Variants in GALNT10 observed in about 807,000 individuals in gnomAD.
GALNT10 encodes the protein GalNAc transferase 10.
In GALNT10, 41 loss-of-function variants were observed where a neutral mutation model predicts 75.0. The ratio of observed to expected loss-of-function variants is 0.55; its 90% CI spans 0.43 to 0.71. The LOEUF (loss-of-function observed/expected upper bound fraction) is 0.71, where lower values mean the gene tolerates loss of function less well. Among genes scored for constraint, GALNT10 ranks in the 30% least tolerant of loss-of-function variants. GALNT10 has a pLI of 0.00. For missense variants in GALNT10, 727 were observed against 818.5 expected, an observed-to-expected ratio of 0.89 and a Z score of 1.36; for synonymous variants, 302 against 313.0, an observed-to-expected ratio of 0.96 and a Z score of 0.37.
chr5:154,370,500 G>A (rs1231629256), intron 4 of GALNT10, among the ~76,000 whole-genome samples: 1 of 152,132 alleles, frequency 6.6e-6, no homozygotes, highest in Admixed American at 6.5e-5. Flanking sequence ...GAGTTAACTG[G>A]GAGGAATTGT....
At chr5:154,369,209 G>A (rs779679110) in intron 4 of GALNT10, among the ~76,000 whole-genome samples, 10 of 152,056 alleles carry the variant, frequency 6.6e-5, no homozygotes, top group South Asian at 2.1e-4. Context: ...CCGACGTGGC[G>A]AAACCCCATC....
chr5:154,264,962 C>T (rs1753756843), intron 1 of GALNT10, among the ~76,000 whole-genome samples: 1 of 152,136 alleles, frequency 6.6e-6, no homozygotes. Context: ...CCAATGGGAA[C>T]ACCAGTCAGA....
chr5:154,385,541 A>T (rs568384794), intron 6 of GALNT10, among the ~76,000 whole-genome samples: 12 of 152,068 alleles, frequency 7.9e-5, no homozygotes, highest in African/African-American at 2.9e-4. Context: ...CTCCTTTCAG[A>T]TTCCTGTAAT....
chr5:154,234,424 T>G (rs1753213226), intron 1 of GALNT10, among the ~76,000 whole-genome samples: 1 of 152,220 alleles, frequency 6.6e-6, no homozygotes. Context: ...AGGGCTGGCA[T>G]GGAGACTACT....
At chr5:154,371,961 C>T (rs1200200989) in intron 4 of GALNT10, among the ~76,000 whole-genome samples, 1 of 152,176 alleles carries the variant, frequency 6.6e-6, no homozygotes, top group Non-Finnish European at 1.5e-5. Context: ...CATTCGCTTC[C>T]AAATCATCCC....
intron 1 of GALNT10, among the ~76,000 whole-genome samples, chr5:154,294,305 G>A (rs1754242195): frequency 6.6e-6 from 1 of 152,140 alleles, no homozygotes; most frequent in South Asian, 2.1e-4. Context: ...CTGTACTCTA[G>A]CCTGGCCAAC....
chr5:154,414,769 A>G (rs910992712), intron 10 of GALNT10, among the ~76,000 whole-genome samples: 2 of 152,226 alleles, frequency 1.3e-5, no homozygotes, highest in African/African-American at 4.8e-5. Flanking sequence ...AAAGCTACTG[A>G]AAAGTAACAA....
At chr5:154,225,913 C>T (rs959759140) in intron 1 of GALNT10, among the ~76,000 whole-genome samples, 1 of 143,424 alleles carries the variant, frequency 7.0e-6, no homozygotes, top group African/African-American at 2.5e-5. Context: ...TGTTTTCACT[C>T]ATAGGTGGGA....
chr5:154,416,957 A>T lies in GALNT10; in HGVS notation c.1797A>T (p.Lys599Asn). 2 of 1,614,164 alleles carry T rather than the reference A, an allele frequency of 1.2e-6. No individual in the cohort carries two copies. Among genetic ancestry groups the T allele is most frequent in the Non-Finnish European group, 1.7e-6 (2 of 1,180,020 alleles). The change falls in exon 12 of 12, where the codon AAA (lysine) becomes AAT (asparagine). Residue 599 changes from lysine (K) to asparagine (N), a missense_variant. Physicochemically the swap from Lys to Asn is moderately conservative, Grantham distance 94 (BLOSUM62 0). Transcript: ENST00000297107. The surrounding 1 kb of genome is among the most constrained non-coding windows in gnomAD (Gnocchi z 4.5). ...ACACCAACTCAACAGTCTTGGAAAAATTCAATAGGAACTGAGCCCTCATGT... is the reference window on the plus strand; with the variant it reads ...ACACCAACTCAACAGTCTTGGAAAATTTCAATAGGAACTGAGCCCTCATGT... ...FEHTNSTVLE[K>N]FNRN
intron 3 of GALNT10, among the ~76,000 whole-genome samples, chr5:154,320,676 A>G (rs1754659812): frequency 6.6e-6 from 1 of 152,208 alleles, no homozygotes; most frequent in African/African-American, 2.4e-5. Flanking sequence ...GCAGATTCCC[A>G]GAGAATGCTG....
At chr5:154,217,065 A>G (rs1039663764) in intron 1 of GALNT10, among the ~76,000 whole-genome samples, 1 of 152,156 alleles carries the variant, frequency 6.6e-6, no homozygotes, top group Non-Finnish European at 1.5e-5. Context: ...TTGTTGAGCC[A>G]TTTGCCCATA....
At chr5:154,251,042 A>G (rs1052629630) in intron 1 of GALNT10, among the ~76,000 whole-genome samples, 2 of 152,168 alleles carry the variant, frequency 1.3e-5, no homozygotes, top group African/African-American at 4.8e-5. Flanking sequence ...TTTTTAGACA[A>G]TCTTTTTATT....
At chr5:154,272,108 A>G (rs1753875338) in intron 1 of GALNT10, among the ~76,000 whole-genome samples, 1 of 152,136 alleles carries the variant, frequency 6.6e-6, no homozygotes, top group African/African-American at 2.4e-5. Context: ...CACCTGGTGC[A>G]GGCGGCCCCT....
chr5:154,196,003 A>G (rs1386947312), intron 1 of GALNT10, among the ~76,000 whole-genome samples: 3 of 151,636 alleles, frequency 2.0e-5, no homozygotes, highest in Non-Finnish European at 1.5e-5. Flanking sequence ...GCCCATCGCA[A>G]CCTCCACCTC....
chr5:154,386,433 G>C lies in GALNT10; in HGVS notation c.1056+3G>C. The C allele has an allele frequency of 6.4e-7, 1 of 1,571,726 alleles. No individual in the cohort carries two copies. Among genetic ancestry groups the C allele is most frequent in the Non-Finnish European group, 8.8e-7 (1 of 1,141,184 alleles). Reference sequence around the variant, plus strand: ...AGCAGTATGAAATCTCCTTCAAGGTGAGCCAGCTCTCCAGACGCCCCGTTC... The same window carrying C: ...AGCAGTATGAAATCTCCTTCAAGGTCAGCCAGCTCTCCAGACGCCCCGTTC... On this transcript the variant is annotated splice_donor_region_variant and intron_variant, in intron 7 of 11. Coordinates refer to ENST00000297107, the MANE Select transcript of GALNT10 (RefSeq NM_198321.4).
At chr5:154,210,812 G>T (rs1014387976) in intron 1 of GALNT10, among the ~76,000 whole-genome samples, 3 of 152,236 alleles carry the variant, frequency 2.0e-5, no homozygotes, top group Admixed American at 6.5e-5. Context: ...CTGTAGATTA[G>T]ATAATAGTAT....
intron 4 of GALNT10, among the ~76,000 whole-genome samples, chr5:154,349,973 C>T (rs1031865768): frequency 6.6e-6 from 1 of 152,204 alleles, no homozygotes; most frequent in East Asian, 1.9e-4. Context: ...AACGTTAGTT[C>T]CTCAGTCACA....
chr5:154,412,037 C>T lies in GALNT10; in HGVS notation c.1387-852C>T, dbSNP rs1049732319. 2.0e-5 allele frequency among the ~76,000 whole-genome samples: 3 copies of T among 152,162 alleles called. No homozygotes were observed. Among genetic ancestry groups the T allele is most frequent in the Admixed American group, 2.0e-4 (3 of 15,282 alleles). ...AGTTCAACATCTCGCAAGAGTGGGT[C>T]TGCCTCACCCATTGGCTGGGATCCA... On this transcript the variant is annotated intron_variant, in intron 9 of 11. Coordinates refer to ENST00000297107, the MANE Select transcript of GALNT10 (RefSeq NM_198321.4). The surrounding 1 kb of genome is among the most constrained non-coding windows in gnomAD (Gnocchi z 4.2).
At chr5:154,339,018 TG>T (rs112534115) in intron 4 of GALNT10, among the ~76,000 whole-genome samples, 7,609 of 152,294 alleles carry the variant, frequency 0.05, 490 homozygotes, top group African/African-American at 0.15. Flanking sequence ...TCAGCCTGTC[TG>T]GCCTCACCTC....
Sources: allele counts gnomAD v4.1 joint callset (sites outside exome capture counted in the v4.1 genomes callset), GRCh38; gene constraint gnomAD v4.1.1; non-coding constraint Gnocchi (gnomAD v3.1); transcripts MANE v1.5; gene names NCBI Gene and HGNC (gene_info 2026-07-23, HGNC 2026-07-21).